The following SLAIN2 variants were observed in gnomAD, a reference collection of about 807,000 sequenced individuals.
SLAIN2 encodes SLAIN family member 2.
A neutral mutation model predicts 56.6 loss-of-function variants in SLAIN2; 31 were observed. The ratio of observed to expected loss-of-function variants is 0.55; its 90% CI spans 0.41 to 0.74. SLAIN2 has a LOEUF of 0.74. SLAIN2 is among the 30% of genes least tolerant of loss of function. SLAIN2 has a pLI of 0.00. For missense variants in SLAIN2, 777 were observed against 754.2 expected, an observed-to-expected ratio of 1.03 and a Z score of -0.35; for synonymous variants, 317 against 284.9, an observed-to-expected ratio of 1.11 and a Z score of -1.13.
rs529771611 is a variant in SLAIN2 at position 48,412,669 on chromosome 4, T to C, written c.1361-7456T>C. On this transcript the variant is annotated intron_variant, in intron 6 of 7. Coordinates refer to ENST00000264313, the MANE Select transcript of SLAIN2 (RefSeq NM_020846.2). ...CTTTTTGTATTTATGGAAGAAAAGG[T>C]ATTGAAGCCCTATTTTCGGGGCATT... 2.8e-3 allele frequency among the ~76,000 whole-genome samples: 434 copies of C among 152,290 alleles called. 2 individuals are homozygous for C. The highest frequency in any genetic ancestry group is 0.013 in the South Asian group (61 of 4,820).
intron 1 of SLAIN2, among the ~76,000 whole-genome samples, chr4:48,368,843 TAA>T (rs985109805): frequency 1.3e-5 from 2 of 152,194 alleles, no homozygotes; most frequent in African/African-American, 4.8e-5. Context: ...GAGACAGACC[TAA>T]GTTATAGATG....
intron 1 of SLAIN2, among the ~76,000 whole-genome samples, chr4:48,356,547 G>C (rs556075063): frequency 1.1e-4 from 17 of 152,240 alleles, no homozygotes; most frequent in Non-Finnish European, 1.9e-4. Context: ...GCCACAATTT[G>C]CAAGTCTGGA....
intron 5 of SLAIN2, among the ~76,000 whole-genome samples, chr4:48,383,194 C>A (rs73246019): frequency 0.019 from 2,771 of 143,212 alleles, 46 homozygotes; most frequent in Non-Finnish European, 0.03. Context: ...AAAAAAGTTT[C>A]TAGATTAAAA....
At chr4:48,389,635 G>A (rs1716185173) in intron 6 of SLAIN2, among the ~76,000 whole-genome samples, 1 of 152,196 alleles carries the variant, frequency 6.6e-6, no homozygotes, top group Non-Finnish European at 1.5e-5. Flanking sequence ...AGCTCAGAAG[G>A]AGCTTATATG....
At chr4:48,378,901 T>C (rs1375826823) in intron 3 of SLAIN2, among the ~76,000 whole-genome samples, 4 of 152,208 alleles carry the variant, frequency 2.6e-5, no homozygotes, top group African/African-American at 7.2e-5. Context: ...AGATTAATTA[T>C]TTTGTACTCT....
chr4:48,344,903 A>G (rs193196203), intron 1 of SLAIN2, among the ~76,000 whole-genome samples: 19 of 152,332 alleles, frequency 1.2e-4, no homozygotes, highest in Non-Finnish European at 2.4e-4. Context: ...GTGACCCATT[A>G]AAGAGTTGCA....
chr4:48,424,704 A>G lies in SLAIN2; in HGVS notation c.*2627A>G, dbSNP rs1464832141. On this transcript the variant is annotated 3_prime_UTR_variant, in exon 8 of 8. Transcript: ENST00000264313. ...CGTATCCTGGAAATCACATTTTGTAAAACTGGGGACCATTCATAATTGTCA... is the reference window on the plus strand; with the variant it reads ...CGTATCCTGGAAATCACATTTTGTAGAACTGGGGACCATTCATAATTGTCA... 4 of 152,112 alleles carry G rather than the reference A, an allele frequency of 2.6e-5. No individual in the cohort carries two copies. The highest frequency in any genetic ancestry group is 5.9e-5 in the Non-Finnish European group (4 of 67,988). The allele number at this position is 152,112 out of a possible 1,614,324, so 9.4% of individuals were successfully genotyped here.
chr4:48,369,592 G>A (rs1288161283), intron 1 of SLAIN2, among the ~76,000 whole-genome samples: 1 of 152,122 alleles, frequency 6.6e-6, no homozygotes, highest in Admixed American at 6.5e-5. Context: ...GGAAATACAG[G>A]TATTTTCTCA....
rs1254256260 is a variant in SLAIN2 at position 48,420,244 on chromosome 4, C to G, written c.1480C>G (p.Leu494Val). 1 of 1,613,984 alleles carries G rather than the reference C, an allele frequency of 6.2e-7. No homozygotes were observed. Among genetic ancestry groups the G allele is most frequent in the South Asian group, 1.1e-5 (1 of 91,078 alleles). ...GSPGSQEITQLTQTTSSPGPP... is the reference protein window; with the variant it reads ...GSPGSQEITQVTQTTSSPGPP... ...TCCTGGTAGCCAAGAAATAACACAG[C>G]TCACACAAACCACCTCCTCACCTGG... Residue 494 changes from leucine to valine, a missense_variant, in exon 7 of 8, where the codon CTC becomes GTC. Coordinates refer to ENST00000264313, the MANE Select transcript of SLAIN2 (RefSeq NM_020846.2).
At chr4:48,355,381 T>C (rs1334839860) in intron 1 of SLAIN2, among the ~76,000 whole-genome samples, 2 of 152,238 alleles carry the variant, frequency 1.3e-5, no homozygotes, top group African/African-American at 4.8e-5. Flanking sequence ...TAAAATTATA[T>C]AGAAATTGGG....
chr4:48,422,207 T>A lies in SLAIN2; in HGVS notation c.*130T>A. ...TATAAAATCCCAGCCCTCTCTGTCT[T>A]AATTAGCACAAACCGACAGAGATCA... On this transcript the variant is annotated 3_prime_UTR_variant, in exon 8 of 8. Coordinates refer to ENST00000264313, the MANE Select transcript of SLAIN2 (RefSeq NM_020846.2). 1 of 674,926 alleles carries A rather than the reference T, an allele frequency of 1.5e-6. No homozygotes were observed. The highest frequency in any genetic ancestry group is 1.8e-5 in the African/African-American group (1 of 55,214). 41.8% of individuals were successfully genotyped at this position (674,926 alleles called of 1,614,324 possible). A position where few individuals can be genotyped will look rare whatever the true frequency, so the allele number is the denominator to read the frequency against.
At chr4:48,360,378 G>C (rs1400641791) in intron 1 of SLAIN2, among the ~76,000 whole-genome samples, 2 of 152,098 alleles carry the variant, frequency 1.3e-5, no homozygotes, top group African/African-American at 2.4e-5. Flanking sequence ...GATTACTTGA[G>C]GTCAGGAGTT....
intron 6 of SLAIN2, among the ~76,000 whole-genome samples, chr4:48,401,922 T>G (rs997308664): frequency 6.6e-6 from 1 of 152,218 alleles, no homozygotes; most frequent in Non-Finnish European, 1.5e-5. Context: ...TTCCTTTCCA[T>G]ATTTAGTGCT....
At chr4:48,412,288 T>C (rs1716876875) in intron 6 of SLAIN2, among the ~76,000 whole-genome samples, 1 of 152,012 alleles carries the variant, frequency 6.6e-6, no homozygotes, top group Non-Finnish European at 1.5e-5. Flanking sequence ...ATGTGGCTAT[T>C]TTGTTAAAAA....
intron 6 of SLAIN2, among the ~76,000 whole-genome samples, chr4:48,403,718 C>T (rs1716617399): frequency 6.6e-6 from 1 of 152,202 alleles, no homozygotes; most frequent in Non-Finnish European, 1.5e-5. Flanking sequence ...AACACTGCTG[C>T]CTGGTTCCTT....
chr4:48,383,168 C>CAA (rs34436951), intron 5 of SLAIN2, among the ~76,000 whole-genome samples: 22 of 95,518 alleles, frequency 2.3e-4, no homozygotes, highest in Non-Finnish European at 2.5e-4. Flanking sequence ...ATCCTGTTTT[C>CAA]AAAAAAAAAA....
At chr4:48,407,353 T>A (rs1716725513) in intron 6 of SLAIN2, among the ~76,000 whole-genome samples, 2 of 152,180 alleles carry the variant, frequency 1.3e-5, no homozygotes, top group South Asian at 4.1e-4. Context: ...CTCCGATTTA[T>A]GCTATTCTTT....
rs1259908737 is a variant in SLAIN2, at chr4:48,386,964, G to A, written c.1360+3180G>A. Among the ~76,000 whole-genome samples, 3 of 152,290 alleles carry A rather than the reference G, an allele frequency of 2.0e-5. No homozygotes were observed. In the East Asian group the frequency reaches 5.8e-4, roughly 29 times the overall value. On this transcript the variant is annotated intron_variant, in intron 6 of 7. Transcript: ENST00000264313. ...GCCATGCTTTTACAGCATGTGAACA[G>A]ATGATCCAAAACAATGTTTGTACTT...
At chr4:48,421,372 C>G (rs1454355870) in intron 7 of SLAIN2, among the ~76,000 whole-genome samples, 1 of 151,998 alleles carries the variant, frequency 6.6e-6, no homozygotes, top group South Asian at 2.1e-4. Context: ...GCATCTGTAA[C>G]CTTTCAAGAA....
Sources: allele counts gnomAD v4.1 joint callset (sites outside exome capture counted in the v4.1 genomes callset), GRCh38; gene constraint gnomAD v4.1.1; transcripts MANE v1.5; gene names NCBI Gene and HGNC (gene_info 2026-07-23, HGNC 2026-07-21).